Variants in ZNF326 observed in about 807,000 individuals in gnomAD.
The protein encoded by ZNF326 is zinc finger protein 326, also known as DBIRD complex subunit ZNF326.
In ZNF326, 30 loss-of-function variants were observed where a neutral mutation model predicts 63.1. The observed-to-expected ratio is 0.48, with a 90% CI of 0.36 to 0.64. ZNF326 has a LOEUF of 0.64. Ranked by LOEUF, ZNF326 falls within the 30% of genes least tolerant of loss-of-function variation. ZNF326 has a pLI of 0.00. For missense variants in ZNF326, 609 were observed against 720.3 expected (o/e 0.85, Z 1.77); for synonymous variants, 194 against 228.2 (o/e 0.85, Z 1.35).
chr1:90,010,376 C>T, intron 6 of ZNF326, 90 bp downstream of exon 6: 5 of 1,292,418 alleles, frequency 3.9e-6, no homozygotes, highest in Non-Finnish European at 5.4e-6. Context: ...TGTTTATATA[C>T]AGAAACTACA....
At chr1:90,013,101 T>C in intron 6 of ZNF326, 25 bp from the exon 7 acceptor site, 1 of 1,581,768 alleles carries the variant, frequency 6.3e-7, no homozygotes, top group Non-Finnish European at 8.6e-7. Context: ...AATTTTAGCT[T>C]TTACTTTTTT....
rs1648306504 is a variant in ZNF326, at chr1:89,995,414, C to T, written c.16+141C>T. 1.6e-5 allele frequency: 19 copies of T among 1,189,938 alleles called. 1 individual carries two copies. The highest frequency in any genetic ancestry group is 5.2e-5 in the South Asian group (3 of 57,616). The allele number at this position is 1,189,938 out of a possible 1,614,324, so 73.7% of individuals were successfully genotyped here. On this transcript the variant is annotated intron_variant, in intron 1 of 11. Coordinates refer to ENST00000340281, the MANE Select transcript of ZNF326 (RefSeq NM_182976.4). ...CCGCCCGCCCGCCCCGGGCCCAGCGCCCGGAGTCGGCCTCTTTGGGGACCC... is the reference window on the plus strand; with the variant it reads ...CCGCCCGCCCGCCCCGGGCCCAGCGTCCGGAGTCGGCCTCTTTGGGGACCC...
intron 10 of ZNF326, 99 bp downstream of exon 10, chr1:90,021,021 T>G: frequency 8.0e-7 from 1 of 1,254,868 alleles, no homozygotes; most frequent in East Asian, 2.4e-5. Flanking sequence ...TTTTATCAAT[T>G]TATCAATCTC....
chr1:89,995,862 T>C (rs1438710364), intron 1 of ZNF326, among the ~76,000 whole-genome samples: 1 of 152,224 alleles, frequency 6.6e-6, no homozygotes, highest in Non-Finnish European at 1.5e-5. Flanking sequence ...AACTGGGGTG[T>C]TTATCACCAA....
intron 4 of ZNF326, chr1:90,006,506 A>G (rs1373060055): frequency 1.0e-6 from 1 of 983,852 alleles, no homozygotes; most frequent in Non-Finnish European, 1.2e-6. Flanking sequence ...TTCTTCTGTT[A>G]ACTCTCTTAA....
In ZNF326 at chr1:90,029,860, T is replaced by C. The variant is rs1650188346; in HGVS notation, c.*2159T>C. On this transcript the variant is annotated 3_prime_UTR_variant, in exon 12 of 12. Transcript: ENST00000340281. ...TGCTTAATTCAGAAATTCAAATTCA[T>C]GTATTTCCTATTGGATAATTTGTAG... 1 of 152,236 alleles carries C rather than the reference T, an allele frequency of 6.6e-6. No homozygotes were observed. The highest frequency in any genetic ancestry group is 2.1e-4 in the South Asian group (1 of 4,834). The allele number at this position is 152,236 out of a possible 1,614,324, so 9.4% of individuals were successfully genotyped here. A position where few individuals can be genotyped will look rare whatever the true frequency, so the allele number is the denominator to read the frequency against.
At chr1:90,012,905 G>A (rs942560720) in intron 6 of ZNF326, among the ~76,000 whole-genome samples, 2 of 152,026 alleles carry the variant, frequency 1.3e-5, no homozygotes, top group Non-Finnish European at 2.9e-5. Context: ...ATGACAAGCA[G>A]ATATGACAGA....
intron 1 of ZNF326, among the ~76,000 whole-genome samples, chr1:89,997,565 G>C (rs1263707077): frequency 6.6e-6 from 1 of 151,990 alleles, no homozygotes; most frequent in African/African-American, 2.4e-5. Flanking sequence ...GTAGAGAAAG[G>C]GTTTCACCAT....
At position 90,010,254 on chromosome 1, in the gene ZNF326, C is replaced by G. The variant is rs752758127; in HGVS notation, c.782C>G (p.Pro261Arg). ...TFIKKPKLAK[P>R]MEKISLSKSP... ...ATCAAGAAACCCAAACTAGCAAAAC[C>G]TATGGAGAAGATAAGCCTCAGCAAA... is the stretch of plus-strand genomic sequence containing the variant. Residue 261 changes from proline (P) to arginine (R), a missense_variant, in exon 6 of 12, where the codon CCT becomes CGT. Transcript: ENST00000340281. 5.6e-6 allele frequency: 9 copies of G among 1,613,716 alleles called. No individual in the cohort carries two copies. Among genetic ancestry groups the G allele is most frequent in the Non-Finnish European group, 6.8e-6 (8 of 1,179,780 alleles).
At position 90,007,259 on chromosome 1, in the gene ZNF326, A is replaced by C; in HGVS notation, c.210-86A>C. ...ATGGTATAAATGAATTTTAGTTGAT[A>C]AATGTCATCTGATAATTTGTCTTTT... is the stretch of plus-strand genomic sequence containing the variant. On this transcript the variant is annotated intron_variant, in intron 4 of 11. Coordinates refer to ENST00000340281, the MANE Select transcript of ZNF326 (RefSeq NM_182976.4). The surrounding 1 kb of genome is among the most constrained non-coding windows in gnomAD (Gnocchi z 4.9). 7.4e-7 allele frequency: 1 copy of C among 1,356,540 alleles called. No individual in the cohort carries two copies. Among genetic ancestry groups the C allele is most frequent in the Non-Finnish European group, 1.0e-6 (1 of 995,164 alleles). 84.0% of individuals were successfully genotyped at this position (1,356,540 alleles called of 1,614,324 possible). A position where few individuals can be genotyped will look rare whatever the true frequency, so the allele number is the denominator to read the frequency against.
At chr1:90,011,617 A>T (rs978734805) in intron 6 of ZNF326, among the ~76,000 whole-genome samples, 4 of 151,554 alleles carry the variant, frequency 2.6e-5, no homozygotes, top group African/African-American at 9.7e-5. Flanking sequence ...GATGGTCATA[A>T]TAAAAAAAGG....
chr1:90,005,933 T>C, intron 4 of ZNF326: 1 of 985,440 alleles, frequency 1.0e-6, no homozygotes, highest in Non-Finnish European at 1.2e-6. Flanking sequence ...AGCTTAAACC[T>C]ACTTAAACAA....
chr1:90,033,464 T>C lies in ZNF326; in HGVS notation c.*5763T>C, dbSNP rs926006333. On this transcript the variant is annotated 3_prime_UTR_variant, in exon 12 of 12. Coordinates refer to ENST00000340281, the MANE Select transcript of ZNF326 (RefSeq NM_182976.4). ...ATAATTACTACTACTTATAATAGTT[T>C]CATATGTAATCCTCATCATATTATA... 1 of 152,204 alleles carries C rather than the reference T, an allele frequency of 6.6e-6. No individual in the cohort carries two copies. Among genetic ancestry groups the C allele is most frequent in the African/African-American group, 2.4e-5 (1 of 41,460 alleles). 9.4% of individuals were successfully genotyped at this position (152,204 alleles called of 1,614,324 possible).
At position 89,995,132 on chromosome 1, in the gene ZNF326, C is replaced by G. The variant is rs1396023950; in HGVS notation, c.-126C>G. The G allele has an allele frequency of 8.1e-7, 1 of 1,228,316 alleles. No homozygotes were observed. The highest frequency in any genetic ancestry group is 1.1e-6 in the Non-Finnish European group (1 of 892,314). 76.1% of individuals were successfully genotyped at this position (1,228,316 alleles called of 1,614,324 possible). On this transcript the variant is annotated 5_prime_UTR_variant, in exon 1 of 12. Coordinates refer to ENST00000340281, the MANE Select transcript of ZNF326 (RefSeq NM_182976.4). ...CCCAGCCTCGCTGTGGCCTGCGGCT[C>G]CCGGGCTGGTAGCGCGCCGCTCTCG... is the stretch of plus-strand genomic sequence containing the variant.
intron 8 of ZNF326, 114 bp downstream of exon 8, chr1:90,017,578 T>A (rs576045799): frequency 1.5e-4 from 144 of 957,124 alleles, no homozygotes; most frequent in Middle Eastern, 6.9e-4. Context: ...AATTTACTAT[T>A]TAAAGAAAGA....
chr1:90,003,532 G>A (rs921592515), intron 2 of ZNF326, among the ~76,000 whole-genome samples: 2 of 152,176 alleles, frequency 1.3e-5, no homozygotes, highest in African/African-American at 2.4e-5. Context: ...CAAGCACCAC[G>A]TGAGAGTTAC....
At chr1:90,018,845 T>A (rs1248133280) in intron 9 of ZNF326, 61 bp downstream of exon 9, 1 of 1,001,872 alleles carries the variant, frequency 1.0e-6, no homozygotes, top group Non-Finnish European at 1.4e-6. Context: ...TCATAACCTG[T>A]TTAAATGTAA....
chr1:90,014,263 C>A (rs950513487), intron 7 of ZNF326, among the ~76,000 whole-genome samples: 2 of 151,690 alleles, frequency 1.3e-5, no homozygotes, highest in Non-Finnish European at 2.9e-5. Context: ...GCAGATTTGG[C>A]TAAATAAAAA....
intron 8 of ZNF326, 73 bp from the exon 9 acceptor site, chr1:90,018,612 T>A: frequency 1.3e-6 from 1 of 754,348 alleles, no homozygotes; most frequent in Non-Finnish European, 2.2e-6. Context: ...TTCCATAGAA[T>A]GAACATAGTG....
Sources: allele counts gnomAD v4.1 joint callset (sites outside exome capture counted in the v4.1 genomes callset), GRCh38; gene constraint gnomAD v4.1.1; non-coding constraint Gnocchi (gnomAD v3.1); transcripts MANE v1.5; gene names NCBI Gene and HGNC (gene_info 2026-07-23, HGNC 2026-07-21).